PDE7A: variants seen among roughly 807,000 people sequenced by gnomAD.
PDE7A encodes the protein high affinity 3',5'-cyclic-AMP phosphodiesterase 7A.
PDE7A carries 39 observed loss-of-function variants against 64.3 expected under a neutral mutation model. The ratio of observed to expected loss-of-function variants is 0.61; its 90% CI spans 0.47 to 0.79. The LOEUF is 0.79. Ranked by LOEUF, PDE7A falls within the 30% of genes least tolerant of loss-of-function variation. PDE7A has a pLI of 0.00. For missense variants in PDE7A, 470 were observed against 582.8 expected, an observed-to-expected ratio of 0.81 and a Z score of 1.99; for synonymous variants, 203 against 206.8, an observed-to-expected ratio of 0.98 and a Z score of 0.16.
At chr8:65,794,428 G>GAAA (rs79183770) in intron 1 of PDE7A, among the ~76,000 whole-genome samples, 1 of 135,834 alleles carries the variant, frequency 7.4e-6, no homozygotes, top group Non-Finnish European at 1.6e-5. Context: ...GTAGGTGAGG[G>GAAA]AAAAAAAAAA....
chr8:65,726,201 G>A (rs950417608), intron 9 of PDE7A, among the ~76,000 whole-genome samples: 1 of 152,156 alleles, frequency 6.6e-6, no homozygotes, highest in Non-Finnish European at 1.5e-5. Flanking sequence ...TTTTCCCTCA[G>A]TGCAACATTA....
chr8:65,744,502 C>G (rs1807584168), intron 5 of PDE7A, among the ~76,000 whole-genome samples: 1 of 152,110 alleles, frequency 6.6e-6, no homozygotes, highest in Non-Finnish European at 1.5e-5. Context: ...CCCCTCCATC[C>G]AGAACCAAAC....
chr8:65,774,701 T>C (rs897410242), intron 3 of PDE7A, among the ~76,000 whole-genome samples: 17 of 151,898 alleles, frequency 1.1e-4, no homozygotes, highest in African/African-American at 3.6e-4. Flanking sequence ...TGGCTAAATA[T>C]TGTTTAAATT....
rs1185412237 is a variant in PDE7A, at chr8:65,741,248, A to C, written c.500-1651T>G. On this transcript the variant is annotated intron_variant, in intron 5 of 12. Transcript: ENST00000401827. Reference sequence around the variant, plus strand: ...TAGACTACATCCTTCACATAGACTCATAAATTACTGCCAACATTCAGATAA... The same window carrying C: ...TAGACTACATCCTTCACATAGACTCCTAAATTACTGCCAACATTCAGATAA... Among the ~76,000 whole-genome samples the C allele has an allele frequency of 3.3e-5, 5 of 152,328 alleles. No individual in the cohort carries two copies. The East Asian group carries it at 9.6e-4, about 29-fold the overall frequency.
intron 1 of PDE7A, among the ~76,000 whole-genome samples, chr8:65,823,704 TGACA>T (rs1810597252): frequency 6.6e-6 from 1 of 152,180 alleles, no homozygotes; most frequent in Non-Finnish European, 1.5e-5. Context: ...CATTAATTAC[TGACA>T]ATTAGCCAAT....
At chr8:65,821,799 G>T (rs1810547946) in intron 1 of PDE7A, among the ~76,000 whole-genome samples, 1 of 152,130 alleles carries the variant, frequency 6.6e-6, no homozygotes, top group Admixed American at 6.5e-5. Context: ...TTCTAATTTT[G>T]ATTACATGTT....
In PDE7A at chr8:65,734,809, G is replaced by A. The variant is rs759044232; in HGVS notation, c.681C>T (p.Tyr227=). 4 of 1,596,520 alleles carry A rather than the reference G, an allele frequency of 2.5e-6. No individual in the cohort carries two copies. The highest frequency in any genetic ancestry group is 2.2e-5 in the East Asian group (1 of 44,706). The part of the protein sequence containing the change: ...AADVTQAMHC[Y]LKEPKLANSV... ...AACCTCTTACCTTAGGTTCCTTTAA[G>A]TAACAGTGCATGGCCTGAGTAACAT... The change falls in exon 7 of 13, where the codon TAC becomes TAT. Residue 227 remains tyrosine, a synonymous_variant. Transcript: ENST00000401827.
At chr8:65,813,405 A>C (rs927361685) in intron 1 of PDE7A, among the ~76,000 whole-genome samples, 3 of 152,206 alleles carry the variant, frequency 2.0e-5, no homozygotes, top group Non-Finnish European at 4.4e-5. Flanking sequence ...ATTACAGTCC[A>C]TTCATAGAAA....
At chr8:65,743,890 T>C (rs911851154) in intron 5 of PDE7A, among the ~76,000 whole-genome samples, 2 of 151,854 alleles carry the variant, frequency 1.3e-5, no homozygotes, top group African/African-American at 4.8e-5. Context: ...TGGAGTGCAA[T>C]GGCGCGATCT....
At chr8:65,806,285 TAA>T (rs145040551) in intron 1 of PDE7A, among the ~76,000 whole-genome samples, 1 of 148,726 alleles carries the variant, frequency 6.7e-6, no homozygotes, top group African/African-American at 2.5e-5. Flanking sequence ...AAATTTGTAG[TAA>T]AAAAAAAAGT....
chr8:65,748,517 G>C (rs1807790409), intron 3 of PDE7A, among the ~76,000 whole-genome samples: 1 of 152,202 alleles, frequency 6.6e-6, no homozygotes, highest in South Asian at 2.1e-4. Flanking sequence ...GGCACCAGAT[G>C]AAATGACAGA....
intron 1 of PDE7A, among the ~76,000 whole-genome samples, chr8:65,810,985 T>A (rs1810247109): frequency 1.3e-5 from 2 of 152,064 alleles, no homozygotes; most frequent in South Asian, 2.1e-4. Flanking sequence ...AGGGAAAAAA[T>A]TTATATCTGC....
intron 7 of PDE7A, among the ~76,000 whole-genome samples, chr8:65,729,371 T>A (rs1806744401): frequency 1.3e-5 from 2 of 148,646 alleles, no homozygotes; most frequent in African/African-American, 4.9e-5. Flanking sequence ...TAGCTTTTTT[T>A]TTTTTTTTTT....
At chr8:65,752,105 T>C (rs1006321425) in intron 3 of PDE7A, among the ~76,000 whole-genome samples, 1 of 152,386 alleles carries the variant, frequency 6.6e-6, no homozygotes, top group South Asian at 2.1e-4. Flanking sequence ...CAGCTTGAGA[T>C]ATCATCCTCT....
chr8:65,719,293 T>A lies in PDE7A; in HGVS notation c.1446A>T (p.Ser482=). The change falls in exon 13 of 13, where the codon TCA becomes TCT. Residue 482 remains serine (S), a synonymous_variant. Coordinates refer to ENST00000401827, the MANE Select transcript of PDE7A (RefSeq NM_001242318.3). ...SQLLPQENRL[S] is the part of the protein sequence containing the mutation. Reference sequence around the variant, plus strand: ...TTTGTCCCACTGGTTCTGGGGGTTATGATAACCGATTTTCCTGAGGTAATA... The same window carrying A: ...TTTGTCCCACTGGTTCTGGGGGTTAAGATAACCGATTTTCCTGAGGTAATA... The A allele has an allele frequency of 6.2e-7, 1 of 1,612,180 alleles. No homozygotes were observed. The highest frequency in any genetic ancestry group is 8.5e-7 in the Non-Finnish European group (1 of 1,178,190).
At chr8:65,737,152 A>G (rs965800739) in intron 6 of PDE7A, among the ~76,000 whole-genome samples, 1 of 152,092 alleles carries the variant, frequency 6.6e-6, no homozygotes, top group Non-Finnish European at 1.5e-5. Context: ...TATTTTCTCA[A>G]TTCTCCCAAG....
intron 1 of PDE7A, among the ~76,000 whole-genome samples, chr8:65,792,647 T>C (rs1809732742): frequency 6.6e-6 from 1 of 152,188 alleles, no homozygotes; most frequent in African/African-American, 2.4e-5. Flanking sequence ...TATAACCAAA[T>C]TTGCGACAGA....
intron 3 of PDE7A, among the ~76,000 whole-genome samples, chr8:65,757,955 A>G (rs1374135785): frequency 1.3e-5 from 2 of 152,188 alleles, no homozygotes; most frequent in African/African-American, 2.4e-5. Context: ...ATTTCCCTCA[A>G]TTTATAACCC....
At chr8:65,831,355 C>T (rs1810816996) in intron 1 of PDE7A, among the ~76,000 whole-genome samples, 1 of 152,074 alleles carries the variant, frequency 6.6e-6, no homozygotes, top group Admixed American at 6.5e-5. Flanking sequence ...GCCTCTTCTT[C>T]CTATTTGCAT....
Sources: allele counts gnomAD v4.1 joint callset (sites outside exome capture counted in the v4.1 genomes callset), GRCh38; gene constraint gnomAD v4.1.1; transcripts MANE v1.5; gene names NCBI Gene and HGNC (gene_info 2026-07-23, HGNC 2026-07-21).